Variants in ZFPM2 observed in about 807,000 individuals in gnomAD.
The protein encoded by ZFPM2 is zinc finger protein, FOG family member 2, also known as zinc finger protein ZFPM2.
In ZFPM2, 20 loss-of-function variants were observed where a neutral mutation model predicts 98.6. The ratio of observed to expected loss-of-function variants is 0.20; its 90% CI spans 0.14 to 0.29. The LOEUF (loss-of-function observed/expected upper bound fraction) is 0.29, where lower values mean the gene tolerates loss of function less well. ZFPM2 is among the 10% of genes least tolerant of loss of function. The probability of loss-of-function intolerance (pLI) is 1.00; values close to 1 mark genes in which losing one functional copy is unlikely to be tolerated. For synonymous variants in ZFPM2, 518 were observed against 502.7 expected (o/e 1.03, Z -0.41); for missense variants, 1,310 against 1,388.6 (o/e 0.94, Z 0.90).
intron 1 of ZFPM2, among the ~76,000 whole-genome samples, chr8:105,410,228 CT>C (rs1207115674): frequency 3.4e-4 from 51 of 152,012 alleles, no homozygotes; most frequent in African/African-American, 1.2e-3. Flanking sequence ...ATGTTTCCCC[CT>C]CACATCTTTG....
chr8:105,724,336 A>G (rs1426317520), intron 5 of ZFPM2, among the ~76,000 whole-genome samples: 1 of 151,840 alleles, frequency 6.6e-6, no homozygotes, highest in Admixed American at 6.6e-5. Flanking sequence ...CTGATCTATG[A>G]TATATATCAA....
chr8:105,732,900 C>T (rs1002543157), intron 5 of ZFPM2, among the ~76,000 whole-genome samples: 1 of 151,730 alleles, frequency 6.6e-6, no homozygotes, highest in African/African-American at 2.4e-5. Flanking sequence ...AATGCAGCTT[C>T]TTGTTGTTAA....
chr8:105,377,546 G>T (rs539848111), intron 1 of ZFPM2, among the ~76,000 whole-genome samples: 1 of 137,456 alleles, frequency 7.3e-6, no homozygotes, highest in Admixed American at 8.3e-5. Context: ...AGGATCACTT[G>T]AGGCCAGGAG....
At chr8:105,598,103 A>C (rs1586489270) in intron 4 of ZFPM2, among the ~76,000 whole-genome samples, 1 of 114,506 alleles carries the variant, frequency 8.7e-6, no homozygotes, top group Non-Finnish European at 1.7e-5. Context: ...TAGCTGTGTT[A>C]TTCTGCAGCA....
chr8:105,787,429 A>T (rs967727351), intron 5 of ZFPM2: 3 of 152,186 alleles, frequency 2.0e-5, no homozygotes, highest in Non-Finnish European at 4.4e-5. Context: ...ACTCTCACAG[A>T]TGGTGTTTTG....
intron 5 of ZFPM2, among the ~76,000 whole-genome samples, chr8:105,771,006 C>G (rs557714899): frequency 5.9e-5 from 9 of 152,222 alleles, no homozygotes; most frequent in African/African-American, 2.2e-4. Flanking sequence ...TGCAGATGCT[C>G]AGGTGTGAAG....
Position 105,327,986 on chromosome 8 carries a change from G to T in ZFPM2, c.40+9005G>T, listed in dbSNP as rs189091132. Among the ~76,000 whole-genome samples, 744 of 151,724 alleles carry T rather than the reference G, an allele frequency of 4.9e-3. 14 individuals are homozygous for T. The highest frequency in any genetic ancestry group is 0.017 in the African/African-American group (691 of 41,412). On this transcript the variant is annotated intron_variant, in intron 1 of 7. Coordinates refer to ENST00000407775, the MANE Select transcript of ZFPM2 (RefSeq NM_012082.4). Reference sequence around the variant, plus strand: ...AGTTCAAAGGCATTTGTGTGTGTGTGTTTTTTCTTTTTAATAAAACCCTGT... The same window carrying T: ...AGTTCAAAGGCATTTGTGTGTGTGTTTTTTTTCTTTTTAATAAAACCCTGT...
chr8:105,594,766 G>C (rs1019552750), intron 4 of ZFPM2, among the ~76,000 whole-genome samples: 1 of 151,940 alleles, frequency 6.6e-6, no homozygotes, highest in African/African-American at 2.4e-5. Flanking sequence ...GCCCTTTTCA[G>C]CACTCATGTT....
At chr8:105,690,919 A>T (rs545444127) in intron 5 of ZFPM2, 2 of 152,204 alleles carry the variant, frequency 1.3e-5, no homozygotes, top group Admixed American at 6.5e-5. Flanking sequence ...AGCTCAAGTT[A>T]ATTTCACATG....
intron 5 of ZFPM2, among the ~76,000 whole-genome samples, chr8:105,637,960 T>C (rs943487009): frequency 7.2e-5 from 11 of 152,016 alleles, no homozygotes; most frequent in African/African-American, 2.7e-4. Flanking sequence ...AAAAATTGTG[T>C]GTGTGTGTGT....
intron 5 of ZFPM2, among the ~76,000 whole-genome samples, chr8:105,683,245 A>C (rs2130924649): frequency 6.6e-6 from 1 of 152,210 alleles, no homozygotes; most frequent in East Asian, 1.9e-4. Flanking sequence ...TTGTAATGAG[A>C]CTGTGGAATT....
At chr8:105,327,332 G>A (rs1812133425) in intron 1 of ZFPM2, among the ~76,000 whole-genome samples, 1 of 151,550 alleles carries the variant, frequency 6.6e-6, no homozygotes, top group African/African-American at 2.4e-5. Context: ...AGAGTTAGAA[G>A]CAAACATTTT....
At chr8:105,795,649 C>T (rs1370686676) in intron 6 of ZFPM2, 1 of 253,990 alleles carries the variant, frequency 3.9e-6, no homozygotes, top group Non-Finnish European at 7.7e-6. Flanking sequence ...AAGCTTAGAA[C>T]ACTTTATATG....
At chr8:105,523,609 T>C (rs1261228747) in intron 3 of ZFPM2, among the ~76,000 whole-genome samples, 2 of 152,208 alleles carry the variant, frequency 1.3e-5, no homozygotes, top group African/African-American at 4.8e-5. Flanking sequence ...GAGTAATTTC[T>C]TCTCTGCTCT....
intron 5 of ZFPM2, among the ~76,000 whole-genome samples, chr8:105,758,280 G>A (rs192564282): frequency 6.6e-6 from 1 of 152,208 alleles, no homozygotes; most frequent in Non-Finnish European, 1.5e-5. Flanking sequence ...AGGAGGACAA[G>A]ATCATGATGT....
intron 1 of ZFPM2, among the ~76,000 whole-genome samples, chr8:105,390,700 C>G (rs1811090312): frequency 6.6e-6 from 1 of 152,104 alleles, no homozygotes; most frequent in Non-Finnish European, 1.5e-5. Flanking sequence ...CAGACAAATT[C>G]TTTATTATAC....
chr8:105,789,236 TC>T (rs1288823402), intron 6 of ZFPM2, among the ~76,000 whole-genome samples: 1 of 151,778 alleles, frequency 6.6e-6, no homozygotes, highest in African/African-American at 2.4e-5. Context: ...CCTTCCCCGC[TC>T]CCCCCACCCC....
chr8:105,745,261 A>G (rs995768572), intron 5 of ZFPM2, among the ~76,000 whole-genome samples: 3 of 152,100 alleles, frequency 2.0e-5, no homozygotes, highest in Non-Finnish European at 2.9e-5. Context: ...GCACTTCTCA[A>G]TAAATGTTTG....
chr8:105,529,855 C>T (rs748891278), intron 3 of ZFPM2, among the ~76,000 whole-genome samples: 4 of 151,928 alleles, frequency 2.6e-5, no homozygotes, highest in Non-Finnish European at 5.9e-5. Context: ...CTCAACTTCC[C>T]GAGTAGCTGG....
Sources: allele counts gnomAD v4.1 joint callset (sites outside exome capture counted in the v4.1 genomes callset), GRCh38; gene constraint gnomAD v4.1.1; transcripts MANE v1.5; gene names NCBI Gene and HGNC (gene_info 2026-07-23, HGNC 2026-07-21).